The following GPR39 variants were observed in gnomAD, a reference collection of about 807,000 sequenced individuals.
GPR39 encodes G protein-coupled receptor 39.
Under a neutral mutation model 18.4 loss-of-function variants are expected in GPR39, and 23 were observed. That is an observed-to-expected ratio of 1.25 (90% confidence interval 0.90 to 1.77). The LOEUF is 1.77. Ranked by LOEUF, GPR39 falls within the 40% of genes most tolerant of loss-of-function variation. GPR39 has a pLI of 0.00. For synonymous variants in GPR39, 280 were observed against 257.9 expected, an observed-to-expected ratio of 1.09 and a Z score of -0.82; for missense variants, 647 against 602.4, an observed-to-expected ratio of 1.07 and a Z score of -0.78.
chr2:132,580,984 A>C (rs567224621), intron 1 of GPR39, among the ~76,000 whole-genome samples: 43 of 146,696 alleles, frequency 2.9e-4, no homozygotes, highest in Non-Finnish European at 2.2e-4. Flanking sequence ...AAAAAAAAAA[A>C]CACCAAAAAA....
chr2:132,458,490 G>A (rs1453680893), intron 1 of GPR39, among the ~76,000 whole-genome samples: 1 of 139,960 alleles, frequency 7.1e-6, no homozygotes, highest in African/African-American at 2.8e-5. Context: ...GTGTGTGTGT[G>A]TGTGTAAGTG....
At chr2:132,468,041 T>A (rs771772848) in intron 1 of GPR39, among the ~76,000 whole-genome samples, 1 of 152,178 alleles carries the variant, frequency 6.6e-6, no homozygotes, top group Non-Finnish European at 1.5e-5. Context: ...CTGGTACCAT[T>A]TTCTTAGAAG....
chr2:132,610,488 A>G (rs1681219218), intron 1 of GPR39, among the ~76,000 whole-genome samples: 1 of 152,128 alleles, frequency 6.6e-6, no homozygotes, highest in Non-Finnish European at 1.5e-5. Context: ...GAAATCTAGG[A>G]TCTTTTGGCT....
chr2:132,440,928 C>T (rs1005291545), intron 1 of GPR39, among the ~76,000 whole-genome samples: 2 of 152,132 alleles, frequency 1.3e-5, no homozygotes, highest in Admixed American at 6.5e-5. Context: ...CCCACATTCC[C>T]TCCAGCCTAC....
chr2:132,424,143 T>C (rs1573594702), intron 1 of GPR39, among the ~76,000 whole-genome samples: 2 of 152,182 alleles, frequency 1.3e-5, no homozygotes, highest in Admixed American at 6.5e-5. Flanking sequence ...GCTTTAACCA[T>C]GTATATCTGC....
intron 1 of GPR39, among the ~76,000 whole-genome samples, chr2:132,551,070 GAATAT>G (rs1680034617): frequency 6.6e-6 from 1 of 152,168 alleles, no homozygotes; most frequent in Non-Finnish European, 1.5e-5. Context: ...CTGTTTGAAA[GAATAT>G]AAGTTCATTT....
At chr2:132,494,173 C>T (rs1681593771) in intron 1 of GPR39, among the ~76,000 whole-genome samples, 1 of 151,994 alleles carries the variant, frequency 6.6e-6, no homozygotes, top group South Asian at 2.1e-4. Context: ...CATTGAGTTG[C>T]CTTCCCTAAA....
intron 1 of GPR39, among the ~76,000 whole-genome samples, chr2:132,560,008 C>A (rs1680221385): frequency 4.6e-5 from 7 of 152,004 alleles, no homozygotes; most frequent in Admixed American, 4.6e-4. Context: ...ATGATTGCAC[C>A]CTGGCACACT....
chr2:132,554,502 T>C (rs1403360355), intron 1 of GPR39, among the ~76,000 whole-genome samples: 2 of 152,200 alleles, frequency 1.3e-5, no homozygotes, highest in African/African-American at 2.4e-5. Flanking sequence ...ATGTAGATAG[T>C]TGAAGCCAGA....
Position 132,645,269 on chromosome 2 carries a change from T to C in GPR39, c.1025T>C (p.Leu342Pro), listed in dbSNP as rs951231144. ...TACCTCAGCTCGGTCATCAACCCGC[T>C]CCTGTACACGGTGTCCTCGCAGCAG... ...FFYLSSVINP[L>P]LYTVSSQQFR... The change falls in exon 2 of 2, where the codon CTC (leucine) becomes CCC (proline). Residue 342 changes from leucine to proline, a missense_variant. By Grantham distance (98) the Leu-to-Pro change is moderately conservative. Transcript: ENST00000329321. The C allele has an allele frequency of 1.2e-6, 2 of 1,614,052 alleles. No homozygotes were observed. Among genetic ancestry groups the C allele is most frequent in the Admixed American group, 1.7e-5 (1 of 60,010 alleles).
chr2:132,566,777 C>T (rs757357780), intron 1 of GPR39, among the ~76,000 whole-genome samples: 5 of 152,154 alleles, frequency 3.3e-5, no homozygotes, highest in Non-Finnish European at 7.3e-5. Context: ...CATAACGTTC[C>T]CTGGTCATTT....
chr2:132,458,741 A>G (rs7605278), intron 1 of GPR39, among the ~76,000 whole-genome samples: 1 of 151,758 alleles, frequency 6.6e-6, no homozygotes, highest in Non-Finnish European at 1.5e-5. Context: ...AGGGAAGAGA[A>G]GAGAACCACA....
intron 1 of GPR39, among the ~76,000 whole-genome samples, chr2:132,550,612 G>A (rs1294034594): frequency 6.6e-6 from 1 of 152,200 alleles, no homozygotes; most frequent in Non-Finnish European, 1.5e-5. Context: ...AGAATTTCGT[G>A]AGCTTTTAAA....
chr2:132,564,355 C>T (rs1165317603), intron 1 of GPR39, among the ~76,000 whole-genome samples: 1 of 152,190 alleles, frequency 6.6e-6, no homozygotes. Context: ...ACATTCAGAG[C>T]ACATTACAGA....
chr2:132,600,788 T>C (rs1681029426), intron 1 of GPR39, among the ~76,000 whole-genome samples: 1 of 151,910 alleles, frequency 6.6e-6, no homozygotes, highest in Admixed American at 6.6e-5. Flanking sequence ...TATTTTGTTG[T>C]TGTTTAAAAA....
At chr2:132,607,071 G>A (rs1000572081) in intron 1 of GPR39, among the ~76,000 whole-genome samples, 24 of 152,242 alleles carry the variant, frequency 1.6e-4, no homozygotes, top group Non-Finnish European at 3.2e-4. Flanking sequence ...GGCTGGGGGC[G>A]GGTAATATGG....
chr2:132,587,684 A>G (rs935911773), intron 1 of GPR39, among the ~76,000 whole-genome samples: 9 of 151,914 alleles, frequency 5.9e-5, no homozygotes, highest in African/African-American at 2.2e-4. Flanking sequence ...ACAGGCACCC[A>G]CCACCACACC....
At chr2:132,594,119 C>G (rs1012667004) in intron 1 of GPR39, among the ~76,000 whole-genome samples, 1 of 152,108 alleles carries the variant, frequency 6.6e-6, no homozygotes, top group Non-Finnish European at 1.5e-5. Flanking sequence ...CAGACAGTGA[C>G]CTTCTGCCTT....
chr2:132,425,295 C>T (rs530746548), intron 1 of GPR39, among the ~76,000 whole-genome samples: 3 of 152,282 alleles, frequency 2.0e-5, no homozygotes, highest in African/African-American at 7.2e-5. Context: ...TGTCTCTCGA[C>T]TATATTGGAA....
Sources: allele counts gnomAD v4.1 joint callset (sites outside exome capture counted in the v4.1 genomes callset), GRCh38; gene constraint gnomAD v4.1.1; transcripts MANE v1.5; gene names NCBI Gene and HGNC (gene_info 2026-07-23, HGNC 2026-07-21).